Variants in MSRB3 observed in about 807,000 individuals in gnomAD.
MSRB3 encodes the protein methionine sulfoxide reductase B3.
Under a neutral mutation model 21.0 loss-of-function variants are expected in MSRB3, and 13 were observed. That is an observed-to-expected ratio of 0.62 (90% CI 0.40 to 0.98). The LOEUF (loss-of-function observed/expected upper bound fraction) is 0.98. Among genes scored for constraint, MSRB3 ranks in the 50% least tolerant of loss-of-function variants. The pLI, the probability that MSRB3 is intolerant of heterozygous loss-of-function variation, is 0.00. For synonymous variants in MSRB3, 87 were observed against 88.6 expected (o/e 0.98, Z 0.10); for missense variants, 199 against 230.3 (o/e 0.86, Z 0.88).
At chr12:65,425,199 A>G (rs1328278640) in intron 5 of MSRB3, among the ~76,000 whole-genome samples, 1 of 121,392 alleles carries the variant, frequency 8.2e-6, no homozygotes, top group Non-Finnish European at 1.9e-5. Context: ...GTTTCTATTT[A>G]CATGGAATAT....
chr12:65,344,776 A>G (rs559054454), intron 4 of MSRB3, among the ~76,000 whole-genome samples: 3 of 152,180 alleles, frequency 2.0e-5, no homozygotes, highest in East Asian at 1.9e-4. Context: ...TGAAAAGACA[A>G]TGGAAGAGAA....
chr12:65,359,883 G>A (rs1477357715), intron 4 of MSRB3, among the ~76,000 whole-genome samples: 2 of 152,136 alleles, frequency 1.3e-5, no homozygotes, highest in East Asian at 3.9e-4. Flanking sequence ...TGTAGAAGAA[G>A]TGAAATGTAT....
intron 5 of MSRB3, 128 bp downstream of exon 5, chr12:65,369,154 C>A: frequency 1.4e-6 from 1 of 705,280 alleles, no homozygotes; most frequent in East Asian, 2.7e-5. Context: ...AAATGTGAGT[C>A]CCACCTCAAA....
At chr12:65,418,161 A>G (rs1002915122) in intron 5 of MSRB3, among the ~76,000 whole-genome samples, 1 of 152,088 alleles carries the variant, frequency 6.6e-6, no homozygotes, top group African/African-American at 2.4e-5. Flanking sequence ...CTGGAGTGCA[A>G]TGGCATGATC....
At chr12:65,453,437 C>T (rs929350844) in intron 5 of MSRB3, among the ~76,000 whole-genome samples, 2 of 152,020 alleles carry the variant, frequency 1.3e-5, no homozygotes, top group African/African-American at 2.4e-5. Context: ...TGAGAGAGAG[C>T]CTTCTAAGTT....
intron 5 of MSRB3, among the ~76,000 whole-genome samples, chr12:65,423,215 G>T (rs1431599385): frequency 3.3e-5 from 5 of 152,102 alleles, no homozygotes; most frequent in Non-Finnish European, 7.3e-5. Flanking sequence ...GCCTTCCTCA[G>T]CCTCCCAAAG....
chr12:65,395,401 G>A (rs959027502), intron 5 of MSRB3, among the ~76,000 whole-genome samples: 29 of 151,946 alleles, frequency 1.9e-4, no homozygotes, highest in African/African-American at 7.0e-4. Context: ...GGGAGGCGGA[G>A]GTTGCAGTGA....
chr12:65,393,615 A>G (rs1434495509), intron 5 of MSRB3, among the ~76,000 whole-genome samples: 2 of 142,226 alleles, frequency 1.4e-5, no homozygotes, highest in South Asian at 2.3e-4. Flanking sequence ...TGGGCAGTAG[A>G]GCGAGACTCC....
intron 1 of MSRB3, among the ~76,000 whole-genome samples, chr12:65,294,013 A>G (rs1411948548): frequency 1.3e-5 from 2 of 152,082 alleles, no homozygotes; most frequent in African/African-American, 4.8e-5. Context: ...TAGTAAGGAG[A>G]TAGTGTTCTG....
At chr12:65,321,585 C>A (rs1343681013) in intron 2 of MSRB3, among the ~76,000 whole-genome samples, 1 of 152,106 alleles carries the variant, frequency 6.6e-6, no homozygotes, top group East Asian at 1.9e-4. Flanking sequence ...AATATAGGAG[C>A]TTTTCTTCCT....
chr12:65,281,303 G>T (rs2136379687), intron 1 of MSRB3, among the ~76,000 whole-genome samples: 1 of 152,220 alleles, frequency 6.6e-6, no homozygotes, highest in Non-Finnish European at 1.5e-5. Context: ...CCCATGTTTA[G>T]CTTCTCGGTA....
intron 5 of MSRB3, among the ~76,000 whole-genome samples, chr12:65,433,312 T>C (rs1400639401): frequency 6.6e-6 from 1 of 151,944 alleles, no homozygotes; most frequent in Non-Finnish European, 1.5e-5. Context: ...TTCTTTAGAG[T>C]GTGAAGTATT....
At chr12:65,396,691 CAAAAAA>C (rs747120558) in intron 5 of MSRB3, among the ~76,000 whole-genome samples, 573 of 22,660 alleles carry the variant, frequency 0.025, 23 homozygotes, top group African/African-American at 0.045. Flanking sequence ...AACTCCATCT[CAAAAAA>C]AAAAAAAAAA....
intron 4 of MSRB3, among the ~76,000 whole-genome samples, chr12:65,332,410 G>A (rs908236612): frequency 6.6e-6 from 1 of 152,074 alleles, no homozygotes; most frequent in Non-Finnish European, 1.5e-5. Context: ...AAATACTAGT[G>A]GGAGGGAAAT....
intron 1 of MSRB3, among the ~76,000 whole-genome samples, chr12:65,287,985 G>T: frequency 6.7e-6 from 1 of 149,438 alleles, no homozygotes; most frequent in South Asian, 2.3e-4. Flanking sequence ...TGAATGAATT[G>T]GACTGGGTAA....
intron 5 of MSRB3, chr12:65,419,370 A>G (rs780311544): frequency 1.1e-5 from 8 of 755,084 alleles, no homozygotes; most frequent in African/African-American, 3.4e-5. Flanking sequence ...CTTCCTCTTC[A>G]TGGTTCTTCT....
At chr12:65,445,339 G>T (rs1251069066) in intron 5 of MSRB3, among the ~76,000 whole-genome samples, 2 of 150,912 alleles carry the variant, frequency 1.3e-5, no homozygotes, top group African/African-American at 4.9e-5. Flanking sequence ...TCTGCTTTCA[G>T]AACCATTTTT....
At chr12:65,293,829 C>T (rs1359626011) in intron 1 of MSRB3, among the ~76,000 whole-genome samples, 1 of 152,150 alleles carries the variant, frequency 6.6e-6, no homozygotes, top group African/African-American at 2.4e-5. Flanking sequence ...CATGGGCATG[C>T]CCATTTTGGG....
chr12:65,334,970 G>T (rs1009794826), intron 4 of MSRB3, among the ~76,000 whole-genome samples: 1 of 152,002 alleles, frequency 6.6e-6, no homozygotes, highest in Non-Finnish European at 1.5e-5. Context: ...CAACTGACAC[G>T]AACTATTGTA....
Sources: allele counts gnomAD v4.1 joint callset (sites outside exome capture counted in the v4.1 genomes callset), GRCh38; gene constraint gnomAD v4.1.1; transcripts MANE v1.5; gene names NCBI Gene and HGNC (gene_info 2026-07-23, HGNC 2026-07-21).